The following RSU1 variants were observed in gnomAD, a reference collection of about 807,000 sequenced individuals.
The protein encoded by RSU1 is Ras suppressor protein 1.
Under a neutral mutation model 31.1 loss-of-function variants are expected in RSU1, and 26 were observed. That is an observed-to-expected ratio of 0.84 (90% CI 0.61 to 1.16). The LOEUF is 1.16. RSU1 is among the 50% of genes most tolerant of loss of function. The pLI is 0.00. For missense variants in RSU1, 320 were observed against 339.1 expected (o/e 0.94, Z 0.44); for synonymous variants, 164 against 136.3 (o/e 1.20, Z -1.41).
chr10:16,692,455 CAGAG>C (rs1272269661), intron 8 of RSU1, among the ~76,000 whole-genome samples: 1 of 152,098 alleles, frequency 6.6e-6, no homozygotes, highest in Non-Finnish European at 1.5e-5. Flanking sequence ...GAATAATAAA[CAGAG>C]AATTTCCTCT....
chr10:16,772,267 C>T (rs1837437429), intron 3 of RSU1, among the ~76,000 whole-genome samples: 1 of 152,154 alleles, frequency 6.6e-6, no homozygotes, highest in Non-Finnish European at 1.5e-5. Flanking sequence ...AGTATGTATG[C>T]ATAACCAAAC....
chr10:16,719,876 T>C (rs780224328), intron 7 of RSU1, among the ~76,000 whole-genome samples: 3 of 152,226 alleles, frequency 2.0e-5, no homozygotes, highest in Non-Finnish European at 4.4e-5. Context: ...CAATTCAAGA[T>C]TGGGGACAAT....
At chr10:16,805,017 G>C (rs1009222543) in intron 2 of RSU1, among the ~76,000 whole-genome samples, 1 of 152,056 alleles carries the variant, frequency 6.6e-6, no homozygotes, top group Non-Finnish European at 1.5e-5. Context: ...GGCTAACTTG[G>C]TGAAAACCCA....
intron 2 of RSU1, among the ~76,000 whole-genome samples, chr10:16,794,748 C>A (rs774779340): frequency 1.1e-4 from 17 of 152,154 alleles, no homozygotes; most frequent in Non-Finnish European, 1.9e-4. Context: ...ATTATTGACA[C>A]CTGGATGGAA....
At chr10:16,784,602 G>C (rs369217409) in intron 2 of RSU1, among the ~76,000 whole-genome samples, 2 of 152,204 alleles carry the variant, frequency 1.3e-5, no homozygotes, top group African/African-American at 4.8e-5. Context: ...ATTTATAAAG[G>C]AAAGAGGTTT....
chr10:16,774,364 G>A (rs951902724), intron 3 of RSU1, among the ~76,000 whole-genome samples: 4 of 152,140 alleles, frequency 2.6e-5, no homozygotes, highest in African/African-American at 7.2e-5. Flanking sequence ...CTTGAGGCCA[G>A]GAGTTCAAGA....
chr10:16,625,393 G>T (rs1354217388), intron 8 of RSU1, among the ~76,000 whole-genome samples: 1 of 152,148 alleles, frequency 6.6e-6, no homozygotes, highest in South Asian at 2.1e-4. Flanking sequence ...TTTTAAACTA[G>T]AAAAGATCTC....
At chr10:16,726,961 T>C in intron 7 of RSU1, 2 of 427,830 alleles carry the variant, frequency 4.7e-6, no homozygotes, top group Admixed American at 2.5e-5. Flanking sequence ...CAGATTCTGA[T>C]GACTAAACTT....
At chr10:16,604,070 A>G (rs929341707) in intron 8 of RSU1, among the ~76,000 whole-genome samples, 22 of 152,182 alleles carry the variant, frequency 1.4e-4, no homozygotes, top group Non-Finnish European at 2.6e-4. Flanking sequence ...ACTTTGGCCC[A>G]TATATTAACA....
chr10:16,645,272 G>C (rs1474681232), intron 8 of RSU1, among the ~76,000 whole-genome samples: 3 of 152,132 alleles, frequency 2.0e-5, no homozygotes, highest in African/African-American at 7.2e-5. Flanking sequence ...AAATGCAGAA[G>C]TATTCATTCT....
At chr10:16,656,112 C>T (rs1834772347) in intron 8 of RSU1, among the ~76,000 whole-genome samples, 1 of 151,916 alleles carries the variant, frequency 6.6e-6, no homozygotes, top group East Asian at 1.9e-4. Flanking sequence ...TTAGGTTGCA[C>T]ATAATAATTA....
chr10:16,770,285 C>G (rs1837397393), intron 3 of RSU1, among the ~76,000 whole-genome samples: 1 of 152,054 alleles, frequency 6.6e-6, no homozygotes, highest in Non-Finnish European at 1.5e-5. Flanking sequence ...TGGGTGCAGC[C>G]CACGGGAGGG....
At chr10:16,716,095 C>T (rs1260995696) in intron 7 of RSU1, among the ~76,000 whole-genome samples, 6 of 152,146 alleles carry the variant, frequency 3.9e-5, no homozygotes. Flanking sequence ...ATAAAATCTC[C>T]TTAGTCGGAA....
intron 8 of RSU1, among the ~76,000 whole-genome samples, chr10:16,671,812 G>A (rs1324967951): frequency 6.6e-6 from 1 of 151,386 alleles, no homozygotes; most frequent in Non-Finnish European, 1.5e-5. Flanking sequence ...TTTTTTAGTA[G>A]AGATGGGGTT....
chr10:16,689,204 C>G (rs1359228006), intron 8 of RSU1, among the ~76,000 whole-genome samples: 2 of 152,108 alleles, frequency 1.3e-5, no homozygotes, highest in African/African-American at 4.8e-5. Context: ...AAATTTAACC[C>G]TCTCCTCCAT....
chr10:16,754,599 T>A (rs192617765), intron 5 of RSU1, among the ~76,000 whole-genome samples: 121 of 151,420 alleles, frequency 8.0e-4, no homozygotes, highest in African/African-American at 2.8e-3. Flanking sequence ...GTCTCTTAGC[T>A]AAATGTGAGG....
chr10:16,652,679 CTTATT>C (rs1023291520), intron 8 of RSU1, among the ~76,000 whole-genome samples: 14 of 151,964 alleles, frequency 9.2e-5, no homozygotes, highest in African/African-American at 2.9e-4. Flanking sequence ...AACTAAAAAT[CTTATT>C]TTATTTATTT....
chr10:16,808,068 A>G (rs1838313746), intron 2 of RSU1, among the ~76,000 whole-genome samples: 1 of 151,820 alleles, frequency 6.6e-6, no homozygotes, highest in Non-Finnish European at 1.5e-5. Flanking sequence ...GCCTTACGGT[A>G]AGGCAGGCCC....
At chr10:16,741,404 T>C (rs1373435924) in intron 7 of RSU1, among the ~76,000 whole-genome samples, 1 of 152,146 alleles carries the variant, frequency 6.6e-6, no homozygotes, top group Non-Finnish European at 1.5e-5. Flanking sequence ...GAAAAGGGTA[T>C]GGCATTTCAT....
Sources: allele counts gnomAD v4.1 joint callset (sites outside exome capture counted in the v4.1 genomes callset), GRCh38; gene constraint gnomAD v4.1.1; transcripts MANE v1.5; gene names NCBI Gene and HGNC (gene_info 2026-07-23, HGNC 2026-07-21).